Variants in CDK5RAP2 observed in about 807,000 individuals in gnomAD.
The protein encoded by CDK5RAP2 is CDK5 regulatory subunit-associated protein 2.
Under a neutral mutation model 232.9 loss-of-function variants are expected in CDK5RAP2, and 147 were observed. The observed-to-expected ratio is 0.63, with a 90% CI of 0.55 to 0.72. The LOEUF is 0.72. Among genes scored for constraint, CDK5RAP2 ranks in the 30% least tolerant of loss-of-function variants. CDK5RAP2 has a pLI of 0.00. For synonymous variants in CDK5RAP2, 833 were observed against 833.7 expected (o/e 1.00, Z 0.01); for missense variants, 2,195 against 2,231.5 (o/e 0.98, Z 0.33).
intron 29 of CDK5RAP2, 21 bp downstream of exon 29, chr9:120,411,337 A>G (rs1302653815): frequency 7.0e-7 from 1 of 1,422,990 alleles, no homozygotes; most frequent in Admixed American, 1.7e-5. Flanking sequence ...CCAGACTTCC[A>G]GTGACTCCTT....
rs779021360 is a variant in CDK5RAP2, at chr9:120,572,006, C to G, written c.95G>C (p.Gly32Ala). The change falls in exon 2 of 38, where the codon GGC (glycine) becomes GCC (alanine). Residue 32 changes from glycine to alanine, a missense_variant. Transcript: ENST00000349780. ...LVPSVPDDLD[G>A]INPNAGLGNG... Reference sequence around the variant, plus strand: ...TCCCAACCCAGCATTGGGGTTGATGCCATCCAGGTCATCTGGTACACTGGG... The same window carrying G: ...TCCCAACCCAGCATTGGGGTTGATGGCATCCAGGTCATCTGGTACACTGGG... 1 of 1,613,874 alleles carries G rather than the reference C, an allele frequency of 6.2e-7. No homozygotes were observed. The highest frequency in any genetic ancestry group is 8.5e-7 in the Non-Finnish European group (1 of 1,179,766).
At chr9:120,426,471 T>G (rs1204756576) in intron 25 of CDK5RAP2, among the ~76,000 whole-genome samples, 1 of 152,234 alleles carries the variant, frequency 6.6e-6, no homozygotes, top group East Asian at 1.9e-4. Context: ...TGATTGGCAC[T>G]TGGTTGAAAG....
intron 25 of CDK5RAP2, among the ~76,000 whole-genome samples, chr9:120,436,527 T>C (rs1178482398): frequency 6.6e-6 from 1 of 152,200 alleles, no homozygotes; most frequent in African/African-American, 2.4e-5. Flanking sequence ...GACAACACCT[T>C]TTCTGATTGT....
chr9:120,389,346 A>G, intron 37 of CDK5RAP2, 54 bp from the exon 38 acceptor site: 1 of 1,418,770 alleles, frequency 7.0e-7, no homozygotes, highest in Non-Finnish European at 9.9e-7. Flanking sequence ...AGGTTTCTGA[A>G]GTAAGACCCC....
intron 7 of CDK5RAP2, among the ~76,000 whole-genome samples, chr9:120,530,992 A>G (rs1295003937): frequency 1.3e-5 from 2 of 152,070 alleles, no homozygotes; most frequent in Non-Finnish European, 2.9e-5. Context: ...TGTACCCTAA[A>G]ACAAAGTATA....
intron 18 of CDK5RAP2, among the ~76,000 whole-genome samples, chr9:120,467,193 T>C (rs1397612063): frequency 2.6e-5 from 4 of 152,224 alleles, no homozygotes; most frequent in Admixed American, 6.5e-5. Flanking sequence ...GCTTCTTTCC[T>C]CTTTTCCCAG....
At chr9:120,390,171 TGCCCAGCACTCTTTAGTTTCCTAG>T (rs1203037923) in intron 36 of CDK5RAP2, 3 of 228,978 alleles carry the variant, frequency 1.3e-5, no homozygotes, top group African/African-American at 4.4e-5. Context: ...GGCCTGGGCC[TGCCCAGCACTCTTTAGTTTCCTAG>T]GCCCTCTGGG....
At position 120,517,351 on chromosome 9, in the gene CDK5RAP2, T is replaced by C. The variant is rs542651983; in HGVS notation, c.1311+1076A>G. Reference sequence around the variant, plus strand: ...TTCACCTTCCGGATCCTGGTGTCCCTATCAGCAGCAGCCACCAGAGAACTA... The same window carrying C: ...TTCACCTTCCGGATCCTGGTGTCCCCATCAGCAGCAGCCACCAGAGAACTA... On this transcript the variant is annotated intron_variant, in intron 12 of 37. Coordinates refer to ENST00000349780, the MANE Select transcript of CDK5RAP2 (RefSeq NM_018249.6). Among the ~76,000 whole-genome samples, 40 of 152,304 alleles carry C rather than the reference T, an allele frequency of 2.6e-4. 1 individual carries two copies. The highest frequency in any genetic ancestry group is 8.9e-4 in the African/African-American group (37 of 41,560).
rs1035160144 is a variant in CDK5RAP2, at chr9:120,400,788, C to T, written c.5405G>A (p.Arg1802Lys). ...EAYRRLKLLWRVSLPEDGQCP... is the reference protein window; with the variant it reads ...EAYRRLKLLWKVSLPEDGQCP... Reference sequence around the variant, plus strand: ...CTGGCCATCCTCGGGGAGTGAGACTCTCCAGAGAAGCTTCAGCCGCCTGTA... The same window carrying T: ...CTGGCCATCCTCGGGGAGTGAGACTTTCCAGAGAAGCTTCAGCCGCCTGTA... The change falls in exon 35 of 38, where the codon AGA becomes AAA. Residue 1802 changes from arginine (R) to lysine (K), a missense_variant. Physicochemically the swap from Arg to Lys is conservative, Grantham distance 26. Coordinates refer to ENST00000349780, the MANE Select transcript of CDK5RAP2 (RefSeq NM_018249.6). The T allele has an allele frequency of 1.2e-6, 2 of 1,614,030 alleles. No individual in the cohort carries two copies. Among genetic ancestry groups the T allele is most frequent in the African/African-American group, 2.7e-5 (2 of 74,924 alleles).
chr9:120,490,253 G>A (rs1171864586), intron 13 of CDK5RAP2, among the ~76,000 whole-genome samples: 1 of 152,218 alleles, frequency 6.6e-6, no homozygotes, highest in East Asian at 1.9e-4. Context: ...TAGAGGCCCA[G>A]GTATTTTGCT....
intron 2 of CDK5RAP2, among the ~76,000 whole-genome samples, chr9:120,571,020 G>A (rs2042835735): frequency 6.6e-6 from 1 of 152,162 alleles, no homozygotes; most frequent in Non-Finnish European, 1.5e-5. Flanking sequence ...TTAGCCAGGT[G>A]TCGTGGCACA....
intron 30 of CDK5RAP2, 128 bp downstream of exon 30, chr9:120,408,999 A>C: frequency 1.2e-6 from 1 of 842,090 alleles, no homozygotes; most frequent in East Asian, 2.5e-5. Context: ...CCAGACGTAC[A>C]ATGTGTTTGT....
chr9:120,578,495 T>C (rs2043121185), intron 1 of CDK5RAP2, among the ~76,000 whole-genome samples: 1 of 151,934 alleles, frequency 6.6e-6, no homozygotes, highest in African/African-American at 2.4e-5. Flanking sequence ...GAAAAACCAT[T>C]TGTCCAGGTT....
intron 12 of CDK5RAP2, among the ~76,000 whole-genome samples, chr9:120,510,652 G>C (rs1017382225): frequency 5.3e-5 from 8 of 152,220 alleles, no homozygotes; most frequent in Non-Finnish European, 2.9e-5. Flanking sequence ...TGAAGGCAGA[G>C]ATGTGAGGAT....
intron 11 of CDK5RAP2, among the ~76,000 whole-genome samples, chr9:120,520,905 C>CTCATATGAACTGTATCTCAT (rs1253998338): frequency 2.3e-4 from 2 of 8,806 alleles, no homozygotes; most frequent in Non-Finnish European, 5.5e-4. Flanking sequence ...TCTCATATAT[C>CTCATATGAACTGTATCTCAT]ATATATCTCA....
chr9:120,571,631 T>G (rs1354484799), intron 2 of CDK5RAP2: 1 of 369,664 alleles, frequency 2.7e-6, no homozygotes, highest in Non-Finnish European at 5.2e-6. Context: ...ACAGTCCAGA[T>G]GGCAGCTCTC....
chr9:120,511,274 C>T (rs1450563053), intron 12 of CDK5RAP2, among the ~76,000 whole-genome samples: 8 of 152,206 alleles, frequency 5.3e-5, no homozygotes, highest in Admixed American at 5.2e-4. Context: ...AAGAACGCTA[C>T]AAAAACCAGG....
chr9:120,569,402 A>C (rs2042764222), intron 2 of CDK5RAP2, among the ~76,000 whole-genome samples: 1 of 152,244 alleles, frequency 6.6e-6, no homozygotes, highest in Non-Finnish European at 1.5e-5. Context: ...AAAGTAGATA[A>C]GGATAGGAAA....
At chr9:120,500,386 T>C (rs1036607566) in intron 12 of CDK5RAP2, among the ~76,000 whole-genome samples, 7 of 152,234 alleles carry the variant, frequency 4.6e-5, no homozygotes, top group Non-Finnish European at 8.8e-5. Flanking sequence ...TTCTACAATG[T>C]GACAAACTTC....
Sources: allele counts gnomAD v4.1 joint callset (sites outside exome capture counted in the v4.1 genomes callset), GRCh38; gene constraint gnomAD v4.1.1; transcripts MANE v1.5; gene names NCBI Gene and HGNC (gene_info 2026-07-23, HGNC 2026-07-21).